CNTN5: variants seen among roughly 807,000 people sequenced by gnomAD.
The protein encoded by CNTN5 is contactin 5, also known as contactin-5.
A neutral mutation model predicts 129.1 loss-of-function variants in CNTN5; 77 were observed. That is an observed-to-expected ratio of 0.60 (90% CI 0.50 to 0.72). CNTN5 has a LOEUF of 0.72. CNTN5 is among the 30% of genes least tolerant of loss of function. The probability of loss-of-function intolerance (pLI) is 0.00; values close to 1 mark genes in which losing one functional copy is unlikely to be tolerated. For synonymous variants in CNTN5, 509 were observed against 465.6 expected (o/e 1.09, Z -1.20); for missense variants, 1,478 against 1,328.8 (o/e 1.11, Z -1.75).
intron 9 of CNTN5, among the ~76,000 whole-genome samples, chr11:100,029,303 C>A (rs1941584183): frequency 6.6e-6 from 1 of 152,144 alleles, no homozygotes; most frequent in South Asian, 2.1e-4. Context: ...TGCTAATTGG[C>A]CGGGCGCGGT....
At chr11:99,670,999 C>T (rs1953011838) in intron 3 of CNTN5, among the ~76,000 whole-genome samples, 1 of 152,146 alleles carries the variant, frequency 6.6e-6, no homozygotes, top group African/African-American at 2.4e-5. Context: ...CAGGCTAGTT[C>T]TAACTTTTTA....
intron 4 of CNTN5, among the ~76,000 whole-genome samples, chr11:99,837,936 C>A (rs1947358419): frequency 1.3e-5 from 2 of 151,858 alleles, no homozygotes; most frequent in South Asian, 4.1e-4. Flanking sequence ...ATTAGAGGGA[C>A]TTAGGGTATC....
intron 13 of CNTN5, among the ~76,000 whole-genome samples, chr11:100,178,403 C>T (rs1948035204): frequency 6.6e-6 from 1 of 152,086 alleles, no homozygotes; most frequent in Non-Finnish European, 1.5e-5. Flanking sequence ...AAATCTTGTC[C>T]ACTTGTAACT....
chr11:99,171,745 C>G (rs1318595268), intron 1 of CNTN5, among the ~76,000 whole-genome samples: 9 of 152,154 alleles, frequency 5.9e-5, no homozygotes, highest in African/African-American at 1.7e-4. Flanking sequence ...AACCATTTTG[C>G]TCAGTGTTTC....
chr11:99,894,539 A>AAAAAAC (rs201922954), intron 6 of CNTN5, among the ~76,000 whole-genome samples: 37 of 150,624 alleles, frequency 2.5e-4, no homozygotes, highest in African/African-American at 8.3e-4. Context: ...ACCAAAAAAC[A>AAAAAAC]AAAAACAAAA....
intron 15 of CNTN5, among the ~76,000 whole-genome samples, chr11:100,216,699 C>A (rs558122548): frequency 3.9e-5 from 6 of 151,988 alleles, no homozygotes; most frequent in Non-Finnish European, 8.8e-5. Flanking sequence ...TGCCTAGATG[C>A]GGTTGATGAA....
chr11:100,184,014 C>CCACACTGAAGGATAAGCTCAAATCAAT (rs1253757396), intron 13 of CNTN5, among the ~76,000 whole-genome samples: 4 of 152,094 alleles, frequency 2.6e-5, no homozygotes, highest in Non-Finnish European at 5.9e-5. Context: ...CCCTGCTTTC[C>CCACACTGAAGGATAAGCTCAAATCAAT]CACACTGAAG....
chr11:99,845,160 A>T lies in CNTN5; in HGVS notation c.475A>T (p.Ile159Leu). Residue 159 changes from isoleucine to leucine, a missense_variant, in exon 6 of 25, where the codon ATA (isoleucine) becomes TTA (leucine). By Grantham distance (5) the Ile-to-Leu change is conservative (BLOSUM62 2). Transcript: ENST00000524871. ...RYSLIDGTFI[I>L]SNPSEAKDSG... The stretch of plus-strand genomic sequence containing the variant: ...CAGTTTGATAGATGGCACCTTCATT[A>T]TAAGCAATCCAAGTGAAGCAAAGGA... 1 of 1,613,808 alleles carries T rather than the reference A, an allele frequency of 6.2e-7. No homozygotes were observed. Among genetic ancestry groups the T allele is most frequent in the Non-Finnish European group, 8.5e-7 (1 of 1,179,830 alleles).
At chr11:100,011,196 T>C (rs1940508261) in intron 9 of CNTN5, among the ~76,000 whole-genome samples, 1 of 152,170 alleles carries the variant, frequency 6.6e-6, no homozygotes, top group African/African-American at 2.4e-5. Context: ...ACATTAGCTA[T>C]AGTTTTCTGG....
chr11:99,907,266 T>C (rs1046179189), intron 6 of CNTN5, among the ~76,000 whole-genome samples: 6 of 152,202 alleles, frequency 3.9e-5, no homozygotes, highest in African/African-American at 1.2e-4. Context: ...TTTAGTGATA[T>C]TGATAGAAAT....
chr11:99,480,477 C>G (rs1024296078), intron 2 of CNTN5, among the ~76,000 whole-genome samples: 1 of 152,206 alleles, frequency 6.6e-6, no homozygotes, highest in East Asian at 1.9e-4. Flanking sequence ...TATTGTAAGG[C>G]TTAAATGACT....
chr11:99,029,729 T>A (rs1591068706), intron 1 of CNTN5, among the ~76,000 whole-genome samples: 2 of 152,148 alleles, frequency 1.3e-5, no homozygotes, highest in Admixed American at 6.5e-5. Context: ...ACTGAAAAAA[T>A]TGGGATTTTG....
chr11:100,070,911 C>A (rs1943897097), intron 11 of CNTN5, among the ~76,000 whole-genome samples: 1 of 151,508 alleles, frequency 6.6e-6, no homozygotes, highest in African/African-American at 2.4e-5. Flanking sequence ...AGATTTATTT[C>A]CATTTGTAGC....
chr11:99,978,473 G>C (rs956829238), intron 8 of CNTN5, among the ~76,000 whole-genome samples: 28 of 152,272 alleles, frequency 1.8e-4, no homozygotes, highest in African/African-American at 6.7e-4. Flanking sequence ...GTCTGGTCCT[G>C]CAAGTGCTAT....
chr11:99,073,372 TGG>T lies in CNTN5; in HGVS notation c.-210+52103_-210+52104del, dbSNP rs776903299. 2.4e-4 allele frequency among the ~76,000 whole-genome samples: 31 copies of T among 126,966 alleles called. 1 individual carries two copies. The highest frequency in any genetic ancestry group is 6.7e-4 in the African/African-American group (22 of 32,878). The allele number at this position is 126,966 out of a possible 152,430, so 83.3% of individuals were successfully genotyped here. On this transcript the variant is annotated intron_variant, in intron 1 of 24. Transcript: ENST00000524871. Reference sequence around the variant, plus strand: ...TTGACTGGTATGTCTCTTTATGGTTTGGTTTTTTTTTTTTTTTTTTTTTTTTA... The same window carrying T: ...TTGACTGGTATGTCTCTTTATGGTTTTTTTTTTTTTTTTTTTTTTTTTTTA...
At chr11:99,551,427 T>TTAATAAATAAA (rs1948478246) in intron 2 of CNTN5, among the ~76,000 whole-genome samples, 1 of 152,132 alleles carries the variant, frequency 6.6e-6, no homozygotes, top group Non-Finnish European at 1.5e-5. Context: ...AGCTTAAGGG[T>TTAATAAATAAA]TAACATTATT....
chr11:99,702,764 C>A (rs1277301941), intron 3 of CNTN5, among the ~76,000 whole-genome samples: 1 of 150,820 alleles, frequency 6.6e-6, no homozygotes, highest in Non-Finnish European at 1.5e-5. Context: ...ATTCAGGAAT[C>A]CTCCAGAAGA....
chr11:99,335,993 C>A (rs1017276855), intron 2 of CNTN5, among the ~76,000 whole-genome samples: 2 of 151,962 alleles, frequency 1.3e-5, no homozygotes, highest in African/African-American at 4.8e-5. Flanking sequence ...GAGAATCCTA[C>A]AAGATTCTGT....
chr11:99,187,061 A>G lies in CNTN5; in HGVS notation c.-209-138285A>G, dbSNP rs191356147. Among the ~76,000 whole-genome samples the G allele has an allele frequency of 7.9e-5, 12 of 152,046 alleles. No homozygotes were observed. The East Asian group carries it at 1.4e-3, about 17-fold the overall frequency. ...AATTCCCAGAGGCAACTGAACAGGA[A>G]GTACCTGGAGGTACTGAGATGTTCA... On this transcript the variant is annotated intron_variant, in intron 1 of 24. Coordinates refer to ENST00000524871, the MANE Select transcript of CNTN5 (RefSeq NM_014361.4).
Sources: allele counts gnomAD v4.1 joint callset (sites outside exome capture counted in the v4.1 genomes callset), GRCh38; gene constraint gnomAD v4.1.1; transcripts MANE v1.5; gene names NCBI Gene and HGNC (gene_info 2026-07-23, HGNC 2026-07-21).